RBFOX1: variants seen among roughly 807,000 people sequenced by gnomAD.
The protein encoded by RBFOX1 is RNA binding fox-1 homolog 1.
In RBFOX1, 8 loss-of-function variants were observed where a neutral mutation model predicts 57.7. That is an observed-to-expected ratio of 0.14 (90% CI 0.08 to 0.25). The LOEUF is 0.25. Among genes scored for constraint, RBFOX1 ranks in the 10% least tolerant of loss-of-function variants. The pLI is 1.00. For missense variants in RBFOX1, 611 were observed against 548.5 expected (o/e 1.11, Z -1.14); for synonymous variants, 326 against 222.4 (o/e 1.47, Z -4.15).
chr16:5,976,893 A>G (rs1459176812), intron 4 of RBFOX1, among the ~76,000 whole-genome samples: 1 of 152,170 alleles, frequency 6.6e-6, no homozygotes, highest in African/African-American at 2.4e-5. Context: ...AGGTCTTGCT[A>G]AAGATGATAA....
At chr16:6,893,159 T>C (rs982884623) in intron 3 of RBFOX1, among the ~76,000 whole-genome samples, 2 of 152,074 alleles carry the variant, frequency 1.3e-5, no homozygotes, top group African/African-American at 4.8e-5. Context: ...AACAGCTCTT[T>C]CACCTCATTT....
chr16:6,315,742 C>T (rs569270441), intron 1 of RBFOX1, among the ~76,000 whole-genome samples: 1 of 152,256 alleles, frequency 6.6e-6, no homozygotes, highest in South Asian at 2.1e-4. Flanking sequence ...CCATTTCAAC[C>T]ACTGAATAGC....
chr16:6,515,120 A>G (rs946591416), intron 2 of RBFOX1, among the ~76,000 whole-genome samples: 7 of 152,332 alleles, frequency 4.6e-5, no homozygotes, highest in African/African-American at 1.7e-4. Context: ...TGTATATTAC[A>G]GGTTTACTTA....
At chr16:6,207,645 T>A (rs1194164352) in intron 1 of RBFOX1, among the ~76,000 whole-genome samples, 1 of 152,144 alleles carries the variant, frequency 6.6e-6, no homozygotes, top group South Asian at 2.1e-4. Context: ...GCCCTTCCCA[T>A]TTGATGTGCA....
chr16:6,873,916 A>C (rs1269490570), intron 3 of RBFOX1: 1 of 152,210 alleles, frequency 6.6e-6, no homozygotes, highest in Non-Finnish European at 1.5e-5. Context: ...CTTTGGCAGC[A>C]CATATACTAA....
At chr16:5,556,266 T>A (rs1330259245) in intron 2 of RBFOX1, among the ~76,000 whole-genome samples, 1 of 152,216 alleles carries the variant, frequency 6.6e-6, no homozygotes, top group Non-Finnish European at 1.5e-5. Context: ...AAGCTTGCCA[T>A]CTGTAGAAAG....
At chr16:5,407,010 C>T (rs1346310548) in intron 1 of RBFOX1, among the ~76,000 whole-genome samples, 4 of 152,102 alleles carry the variant, frequency 2.6e-5, no homozygotes, top group African/African-American at 7.2e-5. Context: ...AAGATACTAC[C>T]CTAGACTGGG....
chr16:6,384,274 G>C (rs2092081387), intron 2 of RBFOX1, among the ~76,000 whole-genome samples: 1 of 152,104 alleles, frequency 6.6e-6, no homozygotes, highest in Non-Finnish European at 1.5e-5. Flanking sequence ...AATGAATCCT[G>C]TTTGAAATGT....
intron 4 of RBFOX1, among the ~76,000 whole-genome samples, chr16:7,136,862 C>T (rs368310922): frequency 1.3e-5 from 2 of 152,178 alleles, no homozygotes; most frequent in Non-Finnish European, 2.9e-5. Context: ...GGGTTTATTT[C>T]TCTCATACAC....
chr16:6,478,796 G>A (rs1390526283), intron 2 of RBFOX1, among the ~76,000 whole-genome samples: 1 of 152,080 alleles, frequency 6.6e-6, no homozygotes, highest in South Asian at 2.1e-4. Flanking sequence ...TATCAATTAA[G>A]TGTGCCATCT....
chr16:6,686,191 C>G (rs558752246), intron 3 of RBFOX1, among the ~76,000 whole-genome samples: 2 of 152,318 alleles, frequency 1.3e-5, no homozygotes, highest in African/African-American at 4.8e-5. Context: ...TGTAATCAGA[C>G]AGGTTTCCAC....
Position 7,531,277 on chromosome 16 carries a change from G to C in RBFOX1, c.270+12888G>C, listed in dbSNP as rs79818084. On this transcript the variant is annotated intron_variant, in intron 5 of 15. Transcript: ENST00000550418. Reference sequence around the variant, plus strand: ...AAATAGAAACTTCTTGGGCTGAAAGGAAGTTACAAAAGAGGAAGCAGCGAT... The same window carrying C: ...AAATAGAAACTTCTTGGGCTGAAAGCAAGTTACAAAAGAGGAAGCAGCGAT... Among the ~76,000 whole-genome samples, 903 of 152,296 alleles carry C rather than the reference G, an allele frequency of 5.9e-3. 14 individuals are homozygous for C. Among genetic ancestry groups the C allele is most frequent in the Non-Finnish European group, 7.9e-3 (536 of 68,030 alleles).
At chr16:6,877,904 A>G (rs1170349422) in intron 3 of RBFOX1, among the ~76,000 whole-genome samples, 1 of 152,190 alleles carries the variant, frequency 6.6e-6, no homozygotes, top group Non-Finnish European at 1.5e-5. Flanking sequence ...AGAACTTAGG[A>G]TCTTGCGAAT....
chr16:6,049,748 C>T (rs2095533216), intron 1 of RBFOX1, among the ~76,000 whole-genome samples: 1 of 152,098 alleles, frequency 6.6e-6, no homozygotes, highest in African/African-American at 2.4e-5. Context: ...CAAAATTGAG[C>T]AGAAGGCACT....
intron 4 of RBFOX1, among the ~76,000 whole-genome samples, chr16:7,099,406 CA>C (rs1435254039): frequency 6.6e-6 from 1 of 152,086 alleles, no homozygotes; most frequent in East Asian, 1.9e-4. Flanking sequence ...GGGCTAATAC[CA>C]GAAGGGGAAT....
intron 14 of RBFOX1, among the ~76,000 whole-genome samples, 193 bp downstream of exon 14, chr16:7,677,031 T>C (rs1335254788): frequency 1.3e-5 from 2 of 151,944 alleles, no homozygotes; most frequent in African/African-American, 4.8e-5. Context: ...AATTCTAAAC[T>C]ACTCTCTCTG....
At chr16:6,309,253 A>C (rs575308072) in intron 1 of RBFOX1, among the ~76,000 whole-genome samples, 1 of 152,210 alleles carries the variant, frequency 6.6e-6, no homozygotes, top group East Asian at 1.9e-4. Flanking sequence ...TCATTGCCTT[A>C]CACACACCCT....
chr16:6,719,131 T>C (rs2065422892), intron 3 of RBFOX1, among the ~76,000 whole-genome samples: 1 of 152,140 alleles, frequency 6.6e-6, no homozygotes, highest in Non-Finnish European at 1.5e-5. Flanking sequence ...TCTCCCAAAG[T>C]GGTGGGATTA....
intron 4 of RBFOX1, among the ~76,000 whole-genome samples, chr16:5,926,971 A>G (rs1451588490): frequency 2.0e-5 from 3 of 152,188 alleles, no homozygotes; most frequent in Non-Finnish European, 2.9e-5. Context: ...ACTATAATCC[A>G]CAGTCTTAGC....
Sources: allele counts gnomAD v4.1 joint callset (sites outside exome capture counted in the v4.1 genomes callset), GRCh38; gene constraint gnomAD v4.1.1; transcripts MANE v1.5; gene names NCBI Gene and HGNC (gene_info 2026-07-23, HGNC 2026-07-21).